The following SH3D19 variants were observed in gnomAD, a reference collection of about 807,000 sequenced individuals.
SH3D19 encodes SH3 domain containing 19.
A neutral mutation model predicts 112.1 loss-of-function variants in SH3D19; 58 were observed. That is an observed-to-expected ratio of 0.52 (90% CI 0.42 to 0.64). The LOEUF (loss-of-function observed/expected upper bound fraction) is 0.64, where lower values mean the gene tolerates loss of function less well. Ranked by LOEUF, SH3D19 falls within the 30% of genes least tolerant of loss-of-function variation. The pLI is 0.00. For synonymous variants in SH3D19, 391 were observed against 448.5 expected (o/e 0.87, Z 1.62); for missense variants, 1,090 against 1,263.4 (o/e 0.86, Z 2.08).
At chr4:151,151,793 C>A (rs1755104152) in intron 9 of SH3D19, among the ~76,000 whole-genome samples, 1 of 152,090 alleles carries the variant, frequency 6.6e-6, no homozygotes, top group African/African-American at 2.4e-5. Context: ...GCATTTATTT[C>A]TTTGGCTACC....
rs201239876 is a variant in SH3D19, at chr4:151,275,861, T to TTTTTG, written c.112+49379_112+49380insCAAAA. On this transcript the variant is annotated intron_variant, in intron 1 of 19. Transcript: ENST00000604030. ...ATTATTATTATTATTTTTTTTTTTT[T>TTTTTG]AGACGGAGTCTCGCTCTGTCGCCCA... is the stretch of plus-strand genomic sequence containing the variant. Among the ~76,000 whole-genome samples the TTTTTG allele has an allele frequency of 9.1e-5, 12 of 132,366 alleles. 1 individual carries two copies. Among genetic ancestry groups the TTTTTG allele is most frequent in the South Asian group, 2.3e-4 (1 of 4,278 alleles). 86.8% of individuals were successfully genotyped at this position (132,366 alleles called of 152,430 possible). A position where few individuals can be genotyped will look rare whatever the true frequency, so the allele number is the denominator to read the frequency against.
intron 8 of SH3D19, among the ~76,000 whole-genome samples, chr4:151,159,940 C>T (rs1471822846): frequency 6.6e-6 from 1 of 152,084 alleles, no homozygotes; most frequent in Non-Finnish European, 1.5e-5. Context: ...AAAATAAATG[C>T]ACTACCCAAG....
chr4:151,145,254 G>A (rs530685336), intron 11 of SH3D19, among the ~76,000 whole-genome samples: 7 of 152,154 alleles, frequency 4.6e-5, no homozygotes, highest in Non-Finnish European at 8.8e-5. Flanking sequence ...GACATTATAC[G>A]ACTATGCTAA....
intron 1 of SH3D19, among the ~76,000 whole-genome samples, chr4:151,262,147 G>A (rs1268871586): frequency 1.3e-5 from 2 of 152,204 alleles, no homozygotes; most frequent in African/African-American, 4.8e-5. Flanking sequence ...TCAGCGCCAG[G>A]GAGCTCAGCC....
chr4:151,227,617 G>T, intron 1 of SH3D19: 1 of 314,760 alleles, frequency 3.2e-6, no homozygotes, highest in Non-Finnish European at 4.6e-6. Context: ...GTAACGCAGG[G>T]CACATTTAAA....
rs1209872663 is a variant in SH3D19, at chr4:151,283,269, A to G, written c.112+41972T>C. The stretch of plus-strand genomic sequence containing the variant: ...GATTTGTGCTGGTGATACTCAAAAC[A>G]TGAAGGATAGTTGCAAGGTCAGGGT... On this transcript the variant is annotated intron_variant, in intron 1 of 19. Transcript: ENST00000604030. The G allele has an allele frequency of 2.5e-6, 4 of 1,613,616 alleles. No homozygotes were observed. The highest frequency in any genetic ancestry group is 1.1e-5 in the South Asian group (1 of 90,958).
rs549583841 is a variant in SH3D19, at chr4:151,237,268, C to T, written c.113-11182G>A. On this transcript the variant is annotated intron_variant, in intron 1 of 19. Coordinates refer to ENST00000604030, the MANE Select transcript of SH3D19 (RefSeq NM_001378122.1). ...AGCAAGACCAAGAACCCGCCAATTT[C>T]GGACATAAGGTCACAAACCTTTTAA... is the stretch of plus-strand genomic sequence containing the variant. 2.0e-4 allele frequency among the ~76,000 whole-genome samples: 31 copies of T among 152,298 alleles called. No homozygotes were observed. In the South Asian group the frequency reaches 6.2e-3, roughly 31 times the overall value.
At chr4:151,147,202 G>A (rs1418905491) in intron 11 of SH3D19, among the ~76,000 whole-genome samples, 3 of 152,174 alleles carry the variant, frequency 2.0e-5, no homozygotes, top group Non-Finnish European at 4.4e-5. Context: ...CACTATGATT[G>A]CAGCAGTGCA....
rs1761961461 is a variant in SH3D19, at chr4:151,187,360, A to C, written c.193+63T>G. On this transcript the variant is annotated intron_variant, in intron 3 of 19. Transcript: ENST00000604030. Reference sequence around the variant, plus strand: ...TCGTCAAATACAATCACCTGCTGGAAATCTAAATCATCACTTAAAATTATT... The same window carrying C: ...TCGTCAAATACAATCACCTGCTGGACATCTAAATCATCACTTAAAATTATT... The C allele has an allele frequency of 5.0e-6, 5 of 994,574 alleles. No individual in the cohort carries two copies. The South Asian group carries it at 2.0e-4, about 40-fold the overall frequency. The allele number at this position is 994,574 out of a possible 1,614,324, so 61.6% of individuals were successfully genotyped here. A position where few individuals can be genotyped will look rare whatever the true frequency, so the allele number is the denominator to read the frequency against.
At chr4:151,159,804 C>A (rs965817906) in intron 8 of SH3D19, among the ~76,000 whole-genome samples, 3 of 152,062 alleles carry the variant, frequency 2.0e-5, no homozygotes, top group African/African-American at 7.2e-5. Context: ...AATTACTAGC[C>A]ACTGTGACTA....
chr4:151,191,967 A>T, intron 2 of SH3D19, among the ~76,000 whole-genome samples: 1 of 26,746 alleles, frequency 3.7e-5, no homozygotes, highest in East Asian at 1.6e-3. Flanking sequence ...TTTTTTTGAT[A>T]CAGAGTCTTG....
intron 1 of SH3D19, among the ~76,000 whole-genome samples, chr4:151,290,696 C>G (rs777212576): frequency 4.0e-5 from 6 of 151,896 alleles, no homozygotes; most frequent in Non-Finnish European, 8.8e-5. Flanking sequence ...AAAGCTGTTA[C>G]AAAAAAGAAA....
At chr4:151,234,034 G>A (rs1235033810) in intron 1 of SH3D19, among the ~76,000 whole-genome samples, 1 of 152,148 alleles carries the variant, frequency 6.6e-6, no homozygotes, top group East Asian at 1.9e-4. Context: ...AAAATGATGT[G>A]TCTTAAGAAT....
chr4:151,154,054 TGG>T (rs1271353953), intron 9 of SH3D19, among the ~76,000 whole-genome samples: 1 of 151,758 alleles, frequency 6.6e-6, no homozygotes, highest in Non-Finnish European at 1.5e-5. Context: ...CTCTTCCTCC[TGG>T]GTTTATGCAA....
intron 2 of SH3D19, among the ~76,000 whole-genome samples, chr4:151,220,596 A>AT (rs1354622144): frequency 6.6e-6 from 1 of 152,114 alleles, no homozygotes. Flanking sequence ...AACATTCTTT[A>AT]TTATCTTTAG....
At chr4:151,147,829 T>C in intron 11 of SH3D19, 93 bp downstream of exon 11, 1 of 1,457,028 alleles carries the variant, frequency 6.9e-7, no homozygotes, top group Non-Finnish European at 9.2e-7. Flanking sequence ...AATTCCACAT[T>C]TGTTCCATCA....
At chr4:151,291,196 T>C in intron 1 of SH3D19, 1 of 1,613,678 alleles carries the variant, frequency 6.2e-7, no homozygotes. Context: ...GGGATTAGAA[T>C]GTGGTAAATC....
At chr4:151,313,520 G>A (rs1251033445) in intron 1 of SH3D19, among the ~76,000 whole-genome samples, 2 of 152,012 alleles carry the variant, frequency 1.3e-5, no homozygotes, top group African/African-American at 2.4e-5. Context: ...GGGCTCAAGC[G>A]ATCCTCCTCC....
At chr4:151,200,540 G>C (rs1437914134) in intron 2 of SH3D19, among the ~76,000 whole-genome samples, 1 of 152,118 alleles carries the variant, frequency 6.6e-6, no homozygotes, top group Non-Finnish European at 1.5e-5. Flanking sequence ...TCTATCACCA[G>C]TGGTATCATA....
Sources: gnomAD v4.1 joint callset for allele counts (sites outside exome capture counted in the v4.1 genomes callset) on GRCh38, gnomAD v4.1.1 for gene constraint, MANE v1.5 for transcripts, NCBI Gene and HGNC (gene_info 2026-07-23, HGNC 2026-07-21) for gene names.